Variants in TTYH2 observed in about 807,000 individuals in gnomAD.
TTYH2 encodes the protein protein tweety homolog 2.
In TTYH2, 49 loss-of-function variants were observed where a neutral mutation model predicts 68.3. The ratio of observed to expected loss-of-function variants is 0.72; its 90% CI spans 0.57 to 0.91. The LOEUF (loss-of-function observed/expected upper bound fraction) is 0.91, where lower values mean the gene tolerates loss of function less well. Among genes scored for constraint, TTYH2 ranks in the 40% least tolerant of loss-of-function variants. The pLI is 0.00. For synonymous variants in TTYH2, 272 were observed against 300.8 expected (o/e 0.90, Z 0.99); for missense variants, 631 against 700.4 (o/e 0.90, Z 1.12).
rs757947722 is a variant in TTYH2, at chr17:74,253,063, T to C, written c.1260-18T>C. 183 of 1,613,036 alleles carry C rather than the reference T, an allele frequency of 1.1e-4. No homozygotes were observed. Among genetic ancestry groups the C allele is most frequent in the Non-Finnish European group, 1.5e-4 (179 of 1,179,618 alleles). ...CCTTCACCCTTCACAGCCGGCCATC[T>C]TCTACCCATTGTTCTAGAAACAGAG... On this transcript the variant is annotated intron_variant, in intron 11 of 13. Transcript: ENST00000269346.
At chr17:74,251,122 TTG>T (rs2050620318) in intron 10 of TTYH2, among the ~76,000 whole-genome samples, 1 of 144,726 alleles carries the variant, frequency 6.9e-6, no homozygotes, top group African/African-American at 2.6e-5. Flanking sequence ...GTTTCTGCGG[TTG>T]TGTGGGTGCA....
intron 4 of TTYH2, among the ~76,000 whole-genome samples, chr17:74,242,152 G>C (rs1252814625): frequency 2.0e-5 from 3 of 152,162 alleles, no homozygotes; most frequent in Non-Finnish European, 4.4e-5. Flanking sequence ...GGCTTACCAA[G>C]GTCTCCCAGC....
At chr17:74,216,890 C>T (rs2050226426) in intron 1 of TTYH2, among the ~76,000 whole-genome samples, 1 of 152,256 alleles carries the variant, frequency 6.6e-6, no homozygotes, top group African/African-American at 2.4e-5. Context: ...GATAAAAGAA[C>T]TAATGAGTTC....
At position 74,241,443 on chromosome 17, in the gene TTYH2, A is replaced by G. The variant is rs2050500246; in HGVS notation, c.636-1931A>G. On this transcript the variant is annotated intron_variant, in intron 4 of 13. Transcript: ENST00000269346. The surrounding 1 kb of genome is among the most constrained non-coding windows in gnomAD (Gnocchi z 4.1). ...CCCCGGCTCCATTCCGGGGAACCCCAGAGACCTAGTGTGTGCTGCCCCCTG... is the reference window on the plus strand; with the variant it reads ...CCCCGGCTCCATTCCGGGGAACCCCGGAGACCTAGTGTGTGCTGCCCCCTG... 6.6e-6 allele frequency among the ~76,000 whole-genome samples: 1 copy of G among 152,174 alleles called. No individual in the cohort carries two copies. The highest frequency in any genetic ancestry group is 1.5e-5 in the Non-Finnish European group (1 of 68,012).
intron 13 of TTYH2, among the ~76,000 whole-genome samples, chr17:74,255,017 G>T (rs1175541497): frequency 6.6e-6 from 1 of 152,184 alleles, no homozygotes; most frequent in Non-Finnish European, 1.5e-5. Flanking sequence ...CAGCCTCAGG[G>T]GAGTAGCTCA....
intron 2 of TTYH2, among the ~76,000 whole-genome samples, chr17:74,224,366 G>T (rs1253399161): frequency 6.6e-6 from 1 of 151,874 alleles, no homozygotes; most frequent in Non-Finnish European, 1.5e-5. Context: ...TAGCCTGGGT[G>T]ATGTGAGACC....
intron 5 of TTYH2, 112 bp downstream of exon 5, chr17:74,243,581 T>A (rs1009948078): frequency 4.6e-5 from 51 of 1,113,940 alleles, no homozygotes; most frequent in Non-Finnish European, 6.4e-5. Context: ...CCAGGCTGCC[T>A]GAGGCCACCT....
At position 74,215,170 on chromosome 17, in the gene TTYH2, C is replaced by CGTGTGTGTGT. The variant is rs5822029; in HGVS notation, c.129+1479_129+1488dup. ...AGGCGGATATGATTTCAGAAACAGC[C>CGTGTGTGTGT]GTGTGTGTGTGTGTGTGTGTGTGTG... On this transcript the variant is annotated intron_variant, in intron 1 of 13. Transcript: ENST00000269346. This position sits in a 1 kb window ranked among gnomAD's most constrained non-coding sequence, Gnocchi z 4.3. Among the ~76,000 whole-genome samples the CGTGTGTGTGT allele has an allele frequency of 0.024, 3,493 of 147,436 alleles. 141 individuals carry two copies. Among genetic ancestry groups the CGTGTGTGTGT allele is most frequent in the African/African-American group, 0.081 (3,234 of 39,868 alleles).
chr17:74,249,881 GTGGGGCTCCTGGGAGACGGAGCCTCA>G, intron 8 of TTYH2, 29 bp from the exon 9 acceptor site: 1 of 1,412,708 alleles, frequency 7.1e-7, no homozygotes, highest in South Asian at 1.2e-5. Flanking sequence ...GAGCCTCACT[GTGGGGCTCCTGGGAGACGGAGCCTCA>G]CTGTGGGGCT....
Position 74,222,889 on chromosome 17 carries a change from G to T in TTYH2, c.302+232G>T, listed in dbSNP as rs1323072580. ...GGCCCCCCACAAACCCTGCCCCAATGTGGGTTTGTCCTGTGCCCAGCAGCT... is the reference window on the plus strand; with the variant it reads ...GGCCCCCCACAAACCCTGCCCCAATTTGGGTTTGTCCTGTGCCCAGCAGCT... On this transcript the variant is annotated intron_variant, in intron 2 of 13. Transcript: ENST00000269346. This position sits in a 1 kb window ranked among gnomAD's most constrained non-coding sequence, Gnocchi z 5.2. 2.0e-5 allele frequency among the ~76,000 whole-genome samples: 3 copies of T among 151,916 alleles called. No individual in the cohort carries two copies. The East Asian group carries it at 5.8e-4, about 29-fold the overall frequency.
rs146821673 is a variant in TTYH2, at chr17:74,237,175, C to T, written c.415-119C>T. The T allele has an allele frequency of 1.4e-4, 135 of 976,552 alleles. 2 individuals are homozygous for T. In the African/African-American group the frequency reaches 2.0e-3, roughly 14 times the overall value. The allele number at this position is 976,552 out of a possible 1,614,324, so 60.5% of individuals were successfully genotyped here. A position where few individuals can be genotyped will look rare whatever the true frequency, so the allele number is the denominator to read the frequency against. ...TCAGCCTCCCGAAGTGCTGGGATGA[C>T]AGGCATGAGCGTAATTATCGCACCT... On this transcript the variant is annotated intron_variant, in intron 3 of 13. Coordinates refer to ENST00000269346, the MANE Select transcript of TTYH2 (RefSeq NM_032646.6).
At chr17:74,226,930 C>T (rs1022998211) in intron 2 of TTYH2, among the ~76,000 whole-genome samples, 3 of 152,010 alleles carry the variant, frequency 2.0e-5, no homozygotes, top group Admixed American at 6.6e-5. Context: ...ACAGCCAAGG[C>T]GATTTTTCTT....
In TTYH2 at chr17:74,232,009, T is replaced by G. The variant is rs905453794; in HGVS notation, c.414+1010T>G. 6.6e-6 allele frequency among the ~76,000 whole-genome samples: 1 copy of G among 152,252 alleles called. No individual in the cohort carries two copies. The highest frequency in any genetic ancestry group is 1.9e-4 in the East Asian group (1 of 5,172). On this transcript the variant is annotated intron_variant, in intron 3 of 13. Coordinates refer to ENST00000269346, the MANE Select transcript of TTYH2 (RefSeq NM_032646.6). The surrounding 1 kb of genome is among the most constrained non-coding windows in gnomAD (Gnocchi z 5.1). ...GGTTCCCTGAAAACTGCCTCTGCCTTTTCTACCCCAGCTGCCTGGAATTGG... is the reference window on the plus strand; with the variant it reads ...GGTTCCCTGAAAACTGCCTCTGCCTGTTCTACCCCAGCTGCCTGGAATTGG...
Position 74,222,482 on chromosome 17 carries a change from C to T in TTYH2, c.130-3C>T, listed in dbSNP as rs1488030409. 3 of 1,607,274 alleles carry T rather than the reference C, an allele frequency of 1.9e-6. No individual in the cohort carries two copies. Among genetic ancestry groups the T allele is most frequent in the Middle Eastern group, 1.7e-4 (1 of 6,052 alleles). Reference sequence around the variant, plus strand: ...GTGACAACAGGCCTCTGCTCTCTTCCAGTCGCTGCTGTTCCTGGGGCTGGT... The same window carrying T: ...GTGACAACAGGCCTCTGCTCTCTTCTAGTCGCTGCTGTTCCTGGGGCTGGT... On this transcript the variant is annotated splice_region_variant and splice_polypyrimidine_tract_variant and intron_variant, in intron 1 of 13. Transcript: ENST00000269346. The surrounding 1 kb of genome is among the most constrained non-coding windows in gnomAD (Gnocchi z 5.2).
intron 3 of TTYH2, 28 bp downstream of exon 3, chr17:74,231,027 A>G: frequency 1.9e-6 from 3 of 1,600,124 alleles, no homozygotes; most frequent in African/African-American, 1.3e-5. Context: ...CTGGCCGGGT[A>G]CAGGCACAGC....
rs373532534 is a variant in TTYH2 at position 74,243,424 on chromosome 17, T to C, written c.686T>C (p.Ile229Thr). The change falls in exon 5 of 14, where the codon ATT (isoleucine) becomes ACT (threonine). Residue 229 changes from isoleucine (I) to threonine (T), a missense_variant. Ile to Thr is a moderately conservative substitution (Grantham distance 89). Coordinates refer to ENST00000269346, the MANE Select transcript of TTYH2 (RefSeq NM_032646.6). ...LFILDLVICL[I>T]ACLGLAKRSK... ...ATCCTGGACCTGGTCATCTGCCTCA[T>C]TGCCTGCCTGGGACTGGCCAAGCGC... 1 of 1,614,088 alleles carries C rather than the reference T, an allele frequency of 6.2e-7. No homozygotes were observed.
rs766941560 is a variant in TTYH2, at chr17:74,222,649, C to T, written c.294C>T (p.Leu98=). ...CITWTAVVAG[L]ICCAAVGVGF... is the part of the protein sequence containing the mutation. ...CCTGGACGGCCGTGGTGGCCGGGCT[C>T]ATCTGCTGGTGAGTGTCCCTGGACG... Residue 98 remains leucine, a synonymous_variant, in exon 2 of 14, where the codon CTC becomes CTT. Coordinates refer to ENST00000269346, the MANE Select transcript of TTYH2 (RefSeq NM_032646.6). The surrounding 1 kb of genome is among the most constrained non-coding windows in gnomAD (Gnocchi z 5.2). 22 of 1,608,732 alleles carry T rather than the reference C, an allele frequency of 1.4e-5. No individual in the cohort carries two copies. The highest frequency in any genetic ancestry group is 3.3e-5 in the Admixed American group (2 of 59,924).
At position 74,239,001 on chromosome 17, in the gene TTYH2, A is replaced by G. The variant is rs2050472697; in HGVS notation, c.635+1487A>G. Among the ~76,000 whole-genome samples the G allele has an allele frequency of 6.6e-6, 1 of 152,112 alleles. No homozygotes were observed. Among genetic ancestry groups the G allele is most frequent in the Non-Finnish European group, 1.5e-5 (1 of 68,010 alleles). On this transcript the variant is annotated intron_variant, in intron 4 of 13. Transcript: ENST00000269346. The surrounding 1 kb of genome is among the most constrained non-coding windows in gnomAD (Gnocchi z 5.3). The stretch of plus-strand genomic sequence containing the variant: ...CCAAGGATTACAGACATGAGCCACC[A>G]TGCCCAGACCAGCCTCACTTATGTA...
intron 3 of TTYH2, among the ~76,000 whole-genome samples, chr17:74,235,633 C>T (rs2050435436): frequency 6.6e-6 from 1 of 152,068 alleles, no homozygotes; most frequent in African/African-American, 2.4e-5. Context: ...CTCATGCTTG[C>T]AATCCCAGCA....
Sources: allele counts gnomAD v4.1 joint callset (sites outside exome capture counted in the v4.1 genomes callset), GRCh38; gene constraint gnomAD v4.1.1; non-coding constraint Gnocchi (gnomAD v3.1); transcripts MANE v1.5; gene names NCBI Gene and HGNC (gene_info 2026-07-23, HGNC 2026-07-21).